Variants in SEC31A observed in about 807,000 individuals in gnomAD.
The protein encoded by SEC31A is SEC31 homolog A, COPII component.
In SEC31A, 70 loss-of-function variants were observed where a neutral mutation model predicts 151.0. The ratio of observed to expected loss-of-function variants is 0.46; its 90% CI spans 0.38 to 0.57. The LOEUF (loss-of-function observed/expected upper bound fraction) is 0.57. Ranked by LOEUF, SEC31A falls within the 20% of genes least tolerant of loss-of-function variation. The probability of loss-of-function intolerance (pLI) is 0.00; values close to 1 mark genes in which losing one functional copy is unlikely to be tolerated. For synonymous variants in SEC31A, 475 were observed against 505.9 expected (o/e 0.94, Z 0.82); for missense variants, 1,330 against 1,471.2 (o/e 0.90, Z 1.57).
chr4:82,848,874 T>C lies in SEC31A; in HGVS notation c.2432A>G (p.Lys811Arg), dbSNP rs200755860. Residue 811 changes from lysine to arginine, a missense_variant, in exon 20 of 27, where the codon AAG becomes AGG. Transcript: ENST00000395310. The part of the protein sequence containing the change: ...KIPYEKQQLP[K>R]GRPGPVAGHH... Reference sequence around the variant, plus strand: ...GCCAGCAACTGGTCCAGGCCTGCCCTTGGGGAGCTGCTGTTTCTCGTACGG... The same window carrying C: ...GCCAGCAACTGGTCCAGGCCTGCCCCTGGGGAGCTGCTGTTTCTCGTACGG... The C allele has an allele frequency of 3.3e-5, 54 of 1,614,008 alleles. No individual in the cohort carries two copies. The highest frequency in any genetic ancestry group is 4.2e-5 in the Non-Finnish European group (49 of 1,180,012).
intron 22 of SEC31A, among the ~76,000 whole-genome samples, chr4:82,838,128 TATC>T (rs1727871940): frequency 6.6e-6 from 1 of 152,202 alleles, no homozygotes; most frequent in South Asian, 2.1e-4. Context: ...TAAGGAAGGA[TATC>T]ATGCTTTCCT....
In SEC31A at chr4:82,867,290, T is replaced by C. The variant is rs764728459; in HGVS notation, c.909A>G (p.Thr303=). 2 of 1,614,190 alleles carry C rather than the reference T, an allele frequency of 1.2e-6. No homozygotes were observed. Among genetic ancestry groups the C allele is most frequent in the Admixed American group, 1.7e-5 (1 of 60,016 alleles). ...ACCACTGAATATCGAAGCACCACTGTGTGTTGGTGGGAAGTTCATATAACA... is the reference window on the plus strand; with the variant it reads ...ACCACTGAATATCGAAGCACCACTGCGTGTTGGTGGGAAGTTCATATAACA... ...GEVLYELPTN[T]QWCFDIQWCP... is the part of the protein sequence containing the mutation. Residue 303 remains threonine (T), a synonymous_variant, in exon 9 of 27, where the codon ACA becomes ACG. Transcript: ENST00000395310.
intron 24 of SEC31A, among the ~76,000 whole-genome samples, chr4:82,826,323 A>G (rs1724538120): frequency 1.3e-5 from 2 of 152,162 alleles, no homozygotes; most frequent in Admixed American, 1.3e-4. Flanking sequence ...TGCAACTCTT[A>G]ATGTTTAAAA....
intron 21 of SEC31A, among the ~76,000 whole-genome samples, chr4:82,843,432 C>A (rs1243433737): frequency 6.6e-6 from 1 of 152,150 alleles, no homozygotes; most frequent in African/African-American, 2.4e-5. Context: ...AACCACCATG[C>A]GTGGCTTAGG....
chr4:82,845,549 T>C (rs1729892204), intron 20 of SEC31A, among the ~76,000 whole-genome samples: 1 of 151,428 alleles, frequency 6.6e-6, no homozygotes, highest in Admixed American at 6.6e-5. Context: ...TATGAAAACC[T>C]AAATCAAAGC....
At chr4:82,858,861 C>A (rs1168369873) in intron 14 of SEC31A, among the ~76,000 whole-genome samples, 1 of 151,672 alleles carries the variant, frequency 6.6e-6, no homozygotes, top group African/African-American at 2.4e-5. Context: ...CACCACCATG[C>A]CTGGCTAATT....
chr4:82,820,494 A>G (rs1224464709), intron 26 of SEC31A, among the ~76,000 whole-genome samples: 2 of 152,168 alleles, frequency 1.3e-5, no homozygotes, highest in Admixed American at 6.5e-5. Flanking sequence ...ACAATTTTAG[A>G]AAAGAATGGT....
chr4:82,881,380 G>A (rs1739266158), intron 2 of SEC31A, among the ~76,000 whole-genome samples: 1 of 152,012 alleles, frequency 6.6e-6, no homozygotes, highest in African/African-American at 2.4e-5. Context: ...CAGGAGAATG[G>A]AAGGAACCAG....
intron 5 of SEC31A, 39 bp from the exon 6 acceptor site, chr4:82,874,790 T>C (rs1737543063): frequency 1.3e-6 from 2 of 1,571,492 alleles, no homozygotes; most frequent in Non-Finnish European, 8.6e-7. Flanking sequence ...TGCTTGTTTC[T>C]CTATTATAAT....
intron 14 of SEC31A, among the ~76,000 whole-genome samples, chr4:82,861,324 T>A (rs1287505874): frequency 6.6e-6 from 1 of 152,228 alleles, no homozygotes; most frequent in East Asian, 1.9e-4. Context: ...TGCAATGCAG[T>A]GAGGATGTTT....
In SEC31A at chr4:82,818,903, C is replaced by A. The variant is rs1722754551; in HGVS notation, c.*171G>T. On this transcript the variant is annotated 3_prime_UTR_variant, in exon 27 of 27. Transcript: ENST00000395310. ...AAAAGATTAAAACAAAAATAAAGCA[C>A]CAGGGTTCTGAGCAGTTCTAAGGTG... The A allele has an allele frequency of 2.4e-6, 1 of 421,058 alleles. No homozygotes were observed. The highest frequency in any genetic ancestry group is 5.1e-4 in the Middle Eastern group (1 of 1,952). The allele number at this position is 421,058 out of a possible 1,614,324, so 26.1% of individuals were successfully genotyped here.
chr4:82,873,453 T>C (rs1737207633), intron 6 of SEC31A, among the ~76,000 whole-genome samples: 1 of 151,930 alleles, frequency 6.6e-6, no homozygotes, highest in Non-Finnish European at 1.5e-5. Flanking sequence ...AGGCAAAATA[T>C]CTGAAGCAAA....
intron 18 of SEC31A, among the ~76,000 whole-genome samples, chr4:82,853,185 TTC>T (rs1023505134): frequency 6.6e-6 from 1 of 152,210 alleles, no homozygotes; most frequent in Non-Finnish European, 1.5e-5. Flanking sequence ...ACCATAAAGA[TTC>T]TCTACTGGCA....
intron 16 of SEC31A, among the ~76,000 whole-genome samples, chr4:82,855,964 CT>C (rs1260073956): frequency 6.6e-6 from 1 of 152,180 alleles, no homozygotes; most frequent in Non-Finnish European, 1.5e-5. Flanking sequence ...TTAAATTCCT[CT>C]TCTATGACTA....
intron 22 of SEC31A, among the ~76,000 whole-genome samples, chr4:82,840,225 AC>A (rs1728423712): frequency 6.6e-6 from 1 of 152,192 alleles, no homozygotes; most frequent in South Asian, 2.1e-4. Flanking sequence ...AAGTGCCAGA[AC>A]ATGTCCAATA....
At chr4:82,864,731 C>A in intron 10 of SEC31A, 133 bp from the exon 11 acceptor site, 1 of 629,926 alleles carries the variant, frequency 1.6e-6, no homozygotes, top group Non-Finnish European at 2.7e-6. Flanking sequence ...CAGTCTGACA[C>A]CACTTCAATT....
rs778153099 is a variant in SEC31A at position 82,864,409 on chromosome 4, C to T, written c.1387G>A (p.Asp463Asn). The T allele has an allele frequency of 1.9e-6, 3 of 1,614,108 alleles. No homozygotes were observed. The South Asian group carries it at 3.3e-5, about 18-fold the overall frequency. ...TTCTCAAATTCAGTCTGAGAAGCAT[C>T]AATTTTTTTTTGGCAATAATTGATA... The part of the protein sequence containing the change: ...GFINYCQKKI[D>N]ASQTEFEKNV... Residue 463 changes from aspartate to asparagine, a missense_variant, in exon 11 of 27, where the codon GAT becomes AAT. Transcript: ENST00000395310.
chr4:82,865,792 G>A (rs925426947), intron 10 of SEC31A, among the ~76,000 whole-genome samples: 5 of 152,006 alleles, frequency 3.3e-5, no homozygotes, highest in Non-Finnish European at 7.4e-5. Flanking sequence ...AACAGGAAAT[G>A]GGGAGCTGTT....
chr4:82,838,548 C>T (rs1311241391), intron 22 of SEC31A, among the ~76,000 whole-genome samples: 1 of 152,182 alleles, frequency 6.6e-6, no homozygotes, highest in African/African-American at 2.4e-5. Context: ...ATTAATCTCC[C>T]TCGCGTACCA....
Sources: allele counts gnomAD v4.1 joint callset (sites outside exome capture counted in the v4.1 genomes callset), GRCh38; gene constraint gnomAD v4.1.1; transcripts MANE v1.5; gene names NCBI Gene and HGNC (gene_info 2026-07-23, HGNC 2026-07-21).